Variants in C11orf65 observed in about 807,000 individuals in gnomAD.
C11orf65 encodes the protein protein MFI.
In C11orf65, 38 loss-of-function variants were observed where a neutral mutation model predicts 35.3. That is an observed-to-expected ratio of 1.08 (90% CI 0.83 to 1.41). The LOEUF (loss-of-function observed/expected upper bound fraction) is 1.41. Among genes scored for constraint, C11orf65 ranks in the 40% most tolerant of loss-of-function variants. C11orf65 has a pLI of 0.00. For synonymous variants in C11orf65, 105 were observed against 114.4 expected (o/e 0.92, Z 0.53); for missense variants, 370 against 367.1 (o/e 1.01, Z -0.06).
intron 2 of C11orf65, among the ~76,000 whole-genome samples, chr11:108,338,813 C>A (rs1045031317): frequency 2.6e-5 from 4 of 152,126 alleles, no homozygotes; most frequent in Non-Finnish European, 4.4e-5. Flanking sequence ...GAGATTACTC[C>A]AAGAATGTGA....
intron 2 of C11orf65, among the ~76,000 whole-genome samples, chr11:108,454,723 T>C (rs1214729640): frequency 1.3e-5 from 2 of 152,178 alleles, no homozygotes; most frequent in East Asian, 3.8e-4. Flanking sequence ...GTCTCCCAGG[T>C]AGCTGAGACT....
At chr11:108,316,208 T>G in intron 6 of C11orf65, 1 of 1,152,202 alleles carries the variant, frequency 8.7e-7, no homozygotes, top group Non-Finnish European at 1.3e-6. Context: ...AGATAAACTC[T>G]AGAGATAAGA....
intron 2 of C11orf65, chr11:108,356,042 C>A (rs1591320874): frequency 6.6e-6 from 1 of 152,138 alleles, no homozygotes; most frequent in East Asian, 1.9e-4. Context: ...AAAATACATT[C>A]TTTTTTCTTT....
intron 2 of C11orf65, among the ~76,000 whole-genome samples, chr11:108,440,955 T>C (rs148266350): frequency 6.4e-4 from 98 of 152,214 alleles, no homozygotes; most frequent in African/African-American, 2.3e-3. Flanking sequence ...AGGTACCGGG[T>C]TCATCTCACT....
intron 6 of C11orf65, among the ~76,000 whole-genome samples, chr11:108,400,023 C>G (rs1300141182): frequency 6.6e-6 from 1 of 152,198 alleles, no homozygotes. Context: ...GTTGGGACTG[C>G]TGGGCCATAA....
intron 2 of C11orf65, among the ~76,000 whole-genome samples, chr11:108,350,588 A>C (rs1565573858): frequency 6.6e-6 from 1 of 152,206 alleles, no homozygotes; most frequent in Non-Finnish European, 1.5e-5. Context: ...TGAATTCTAG[A>C]GTTGGGACAG....
intron 1 of C11orf65, among the ~76,000 whole-genome samples, 178 bp downstream of exon 1, chr11:108,467,293 G>A (rs2093552451): frequency 6.6e-6 from 1 of 152,160 alleles, no homozygotes; most frequent in South Asian, 2.1e-4. Flanking sequence ...ACCAGCTGGA[G>A]GCCTCGCTGG....
chr11:108,422,623 C>T (rs1400504455), intron 3 of C11orf65, among the ~76,000 whole-genome samples: 1 of 152,160 alleles, frequency 6.6e-6, no homozygotes, highest in Non-Finnish European at 1.5e-5. Context: ...GTGGCTCACA[C>T]CTGTAATCCC....
chr11:108,345,223 T>C (rs183940746), intron 2 of C11orf65, among the ~76,000 whole-genome samples: 18 of 152,256 alleles, frequency 1.2e-4, no homozygotes, highest in African/African-American at 4.1e-4. Context: ...AATAAAGATA[T>C]CTGGGCCAAA....
At chr11:108,413,830 A>G (rs1164722204) in intron 3 of C11orf65, among the ~76,000 whole-genome samples, 2 of 152,192 alleles carry the variant, frequency 1.3e-5, no homozygotes, top group African/African-American at 4.8e-5. Context: ...TAGGTCAAAT[A>G]AAGAGTCTCA....
intron 2 of C11orf65, among the ~76,000 whole-genome samples, chr11:108,438,830 AC>A (rs2093107019): frequency 6.6e-6 from 1 of 151,976 alleles, no homozygotes. Flanking sequence ...ACACAGTGAA[AC>A]CCCATTTCTA....
At chr11:108,389,975 T>A (rs1470823997) in intron 7 of C11orf65, among the ~76,000 whole-genome samples, 3 of 150,320 alleles carry the variant, frequency 2.0e-5, no homozygotes, top group African/African-American at 4.9e-5. Flanking sequence ...ATTACAGGCA[T>A]GAGCCACCTC....
At chr11:108,343,184 C>G (rs1328855134) in intron 2 of C11orf65, 9 of 1,612,810 alleles carry the variant, frequency 5.6e-6, no homozygotes, top group Non-Finnish European at 6.8e-6. Flanking sequence ...TCTTTAATGG[C>G]CTTTTAAAAT....
At position 108,325,416 on chromosome 11, in the gene C11orf65, C is replaced by T. The variant is rs564652222; in HGVS notation, c.641-16345G>A. 11 of 1,613,530 alleles carry T rather than the reference C, an allele frequency of 6.8e-6. No individual in the cohort carries two copies. The highest frequency in any genetic ancestry group is 2.7e-5 in the African/African-American group (2 of 74,870). On this transcript the variant is annotated intron_variant, in intron 6 of 6. Coordinates refer to the C11orf65 transcript ENST00000525729. ...TTTTCAGGAGCCTATCATGGCTCTA[C>T]GCACAGTCATTTTGGAGATCCTGAT...
intron 2 of C11orf65, among the ~76,000 whole-genome samples, chr11:108,376,817 A>C (rs899916278): frequency 1.3e-4 from 19 of 151,504 alleles, no homozygotes; most frequent in South Asian, 2.1e-4. Context: ...GATCCCACAG[A>C]AATACAAACT....
In C11orf65 at chr11:108,445,542, C is replaced by T. The variant is rs141225680; in HGVS notation, c.82-13704G>A. Among the ~76,000 whole-genome samples, 283 of 152,244 alleles carry T rather than the reference C, an allele frequency of 1.9e-3. 1 individual carries two copies. The highest frequency in any genetic ancestry group is 6.2e-3 in the African/African-American group (259 of 41,534). On this transcript the variant is annotated intron_variant, in intron 2 of 8. Coordinates refer to ENST00000393084, the MANE Select transcript of C11orf65 (RefSeq NM_152587.5). ...GGAGTGGACCTCTAGCAAACTCCAA[C>T]GGACCTGTAGCTGAGGGTCCTGTCT...
intron 2 of C11orf65, among the ~76,000 whole-genome samples, chr11:108,335,663 TG>T: frequency 6.6e-6 from 1 of 152,262 alleles, no homozygotes; most frequent in South Asian, 2.1e-4. Context: ...TCTAAATCAG[TG>T]TAAATGTTGT....
At chr11:108,310,800 T>G (rs1379715478) in intron 6 of C11orf65, among the ~76,000 whole-genome samples, 1 of 152,216 alleles carries the variant, frequency 6.6e-6, no homozygotes, top group East Asian at 1.9e-4. Flanking sequence ...TTTCATTTCT[T>G]TATCTACCTA....
chr11:108,408,683 T>C lies in C11orf65; in HGVS notation c.175-1534A>G, dbSNP rs1329449206. ...AGAGACTCTGTCTCAATAAATAAAA[T>C]AAAATAAAATAAAATAAAATAAAAT... On this transcript the variant is annotated intron_variant, in intron 3 of 8. Coordinates refer to ENST00000393084, the MANE Select transcript of C11orf65 (RefSeq NM_152587.5). Among the ~76,000 whole-genome samples, 195 of 72,764 alleles carry C rather than the reference T, an allele frequency of 2.7e-3. 2 individuals carry two copies. Among genetic ancestry groups the C allele is most frequent in the African/African-American group, 8.2e-3 (180 of 21,904 alleles). The allele number at this position is 72,764 out of a possible 152,430, so 47.7% of individuals were successfully genotyped here.
Sources: gnomAD v4.1 joint callset for allele counts (sites outside exome capture counted in the v4.1 genomes callset) on GRCh38, gnomAD v4.1.1 for gene constraint, MANE v1.5 for transcripts, NCBI Gene and HGNC (gene_info 2026-07-23, HGNC 2026-07-21) for gene names.